Variants in CD99L2 observed in about 807,000 individuals in gnomAD.
CD99L2 encodes CD99 antigen-like protein 2.
In CD99L2, 24 loss-of-function variants were observed where a neutral mutation model predicts 27.3. The ratio of observed to expected loss-of-function variants is 0.88; its 90% CI spans 0.64 to 1.24. CD99L2 has a LOEUF of 1.24. Ranked by LOEUF, CD99L2 falls within the 50% of genes most tolerant of loss-of-function variation. CD99L2 has a pLI of 0.00. For missense variants in CD99L2, 255 were observed against 221.6 expected (o/e 1.15, Z -0.96); for synonymous variants, 97 against 87.9 (o/e 1.10, Z -0.58).
At chrX:150,782,767 G>C (rs2124064224) in intron 7 of CD99L2, among the ~76,000 whole-genome samples, 1 of 111,081 alleles carries the variant, frequency 9.0e-6, no homozygotes, top group South Asian at 3.8e-4. Flanking sequence ...CCATCACAAA[G>C]ACCCCACCTT....
At chrX:150,842,320 T>C (rs1369625280) in intron 1 of CD99L2, among the ~76,000 whole-genome samples, 12 of 111,753 alleles carry the variant, frequency 1.1e-4, no homozygotes, top group African/African-American at 3.9e-4. Context: ...TTTGTCCCTT[T>C]GGGAAGGAAC....
chrX:150,875,693 C>T lies in CD99L2; in HGVS notation c.67+22829G>A, dbSNP rs782747567. 3.6e-5 allele frequency among the ~76,000 whole-genome samples: 4 copies of T among 112,092 alleles called. No individual in the cohort carries two copies. The Admixed American group carries it at 3.8e-4, about 11-fold the overall frequency. On this transcript the variant is annotated intron_variant, in intron 1 of 10. Transcript: ENST00000370377. ...AATTCCCATGTGATGTGGGAGGGAC[C>T]TGGTGGGAGGTAACTGAATCATTGG...
At position 150,868,703 on chromosome X, in the gene CD99L2, G is replaced by A. The variant is rs147825870; in HGVS notation, c.67+29819C>T. 2.1e-4 allele frequency among the ~76,000 whole-genome samples: 23 copies of A among 111,806 alleles called. No homozygotes were observed. The East Asian group carries it at 6.4e-3, about 31-fold the overall frequency. ...CCTCGAATCCACTTTTTACTTCTAT[G>A]AGATTAACTTTATTTAGCTTCCATA... On this transcript the variant is annotated intron_variant, in intron 1 of 10. Transcript: ENST00000370377.
intron 2 of CD99L2, among the ~76,000 whole-genome samples, chrX:150,827,212 AGAG>A (rs1343135743): frequency 9.0e-6 from 1 of 111,456 alleles, no homozygotes; most frequent in Non-Finnish European, 1.9e-5. Context: ...CACAACGTGC[AGAG>A]AAGAACATTC....
At position 150,768,754 on chromosome X, in the gene CD99L2, G is replaced by A. The variant is rs974572294; in HGVS notation, c.*280C>T. On this transcript the variant is annotated 3_prime_UTR_variant, in exon 11 of 11. Coordinates refer to ENST00000370377, the MANE Select transcript of CD99L2 (RefSeq NM_031462.4). ...GCATCCTGTGCTCAGTAAAGCTGGAGGCAGGCTGGCTTTGGGAGTTGGTGG... is the reference window on the plus strand; with the variant it reads ...GCATCCTGTGCTCAGTAAAGCTGGAAGCAGGCTGGCTTTGGGAGTTGGTGG... The A allele has an allele frequency of 1.4e-5, 6 of 422,266 alleles. No homozygotes were observed. Among genetic ancestry groups the A allele is most frequent in the African/African-American group, 1.3e-4 (5 of 38,389 alleles). The allele number at this position is 422,266 out of a possible 1,213,427, so 34.8% of individuals were successfully genotyped here.
intron 9 of CD99L2, among the ~76,000 whole-genome samples, chrX:150,772,215 C>T (rs782499681): frequency 5.0e-4 from 56 of 112,864 alleles, no homozygotes; most frequent in Middle Eastern, 4.6e-3. Context: ...ATGATGTACA[C>T]GCAGCCCCGC....
intron 6 of CD99L2, among the ~76,000 whole-genome samples, chrX:150,794,143 C>T (rs180995429): frequency 1.4e-4 from 16 of 112,035 alleles, no homozygotes; most frequent in African/African-American, 4.5e-4. Flanking sequence ...TTCAGGCCTT[C>T]TCTGAGCTCA....
chrX:150,770,732 G>A (rs192968233), intron 9 of CD99L2, among the ~76,000 whole-genome samples: 10 of 113,039 alleles, frequency 8.8e-5, no homozygotes, highest in Admixed American at 4.6e-4. Context: ...GTGCGTGTGC[G>A]GCCCGGGGGC....
intron 1 of CD99L2, among the ~76,000 whole-genome samples, chrX:150,839,657 C>T (rs1557421318): frequency 9.0e-6 from 1 of 110,795 alleles, no homozygotes; most frequent in Non-Finnish European, 1.9e-5. Flanking sequence ...TGCTTGAGCC[C>T]AGGAGTTCAA....
At chrX:150,857,239 T>C (rs190193000) in intron 1 of CD99L2, among the ~76,000 whole-genome samples, 2 of 111,489 alleles carry the variant, frequency 1.8e-5, no homozygotes, top group East Asian at 2.8e-4. Flanking sequence ...GCAGGGAATA[T>C]AGACATCCAG....
intron 1 of CD99L2, among the ~76,000 whole-genome samples, chrX:150,849,418 G>A (rs1315657225): frequency 9.0e-6 from 1 of 111,234 alleles, no homozygotes; most frequent in Non-Finnish European, 1.9e-5. Flanking sequence ...AAATTAGCTG[G>A]GTATGGTAGT....
At chrX:150,890,101 C>A (rs1002727231) in intron 1 of CD99L2, among the ~76,000 whole-genome samples, 1 of 108,680 alleles carries the variant, frequency 9.2e-6, no homozygotes, top group Non-Finnish European at 1.9e-5. Context: ...TGCAGTGAGC[C>A]GAGATCGCAC....
intron 1 of CD99L2, among the ~76,000 whole-genome samples, chrX:150,897,562 G>A (rs1396937759): frequency 9.2e-6 from 1 of 108,132 alleles, no homozygotes; most frequent in Admixed American, 9.8e-5. Context: ...TGTGTTTCCT[G>A]AGCTCACATA....
intron 1 of CD99L2, among the ~76,000 whole-genome samples, chrX:150,897,322 C>G: frequency 8.9e-6 from 1 of 112,545 alleles, no homozygotes; most frequent in Non-Finnish European, 1.9e-5. Context: ...CAATTTTGTT[C>G]ACTACCGCAT....
rs781975495 is a variant in CD99L2 at position 150,824,361 on chromosome X, GGAA to G, written c.130+6867_130+6869del. On this transcript the variant is annotated intron_variant, in intron 2 of 10. Transcript: ENST00000370377. ...AGAAGAAAGAAGGAAGAAGGAAGAAGGAAGAAGAAGAAGAAGAAGAAAGAAGAA... is the reference window on the plus strand; with the variant it reads ...AGAAGAAAGAAGGAAGAAGGAAGAAGGAAGAAGAAGAAGAAGAAAGAAGAA... 5.9e-3 allele frequency among the ~76,000 whole-genome samples: 476 copies of G among 81,197 alleles called. 5 individuals are homozygous for G. The highest frequency in any genetic ancestry group is 8.5e-3 in the Middle Eastern group (1 of 117). 70.5% of individuals were successfully genotyped at this position (81,197 alleles called of 115,157 possible). A position where few individuals can be genotyped will look rare whatever the true frequency, so the allele number is the denominator to read the frequency against.
intron 4 of CD99L2, among the ~76,000 whole-genome samples, chrX:150,801,753 G>A (rs1007805941): frequency 8.9e-6 from 1 of 112,094 alleles, no homozygotes; most frequent in Non-Finnish European, 1.9e-5. Flanking sequence ...TTCCAGTCAG[G>A]CAAGTTGGAT....
At chrX:150,783,926 C>T (rs1386238411) in intron 7 of CD99L2, among the ~76,000 whole-genome samples, 1 of 111,877 alleles carries the variant, frequency 8.9e-6, no homozygotes, top group African/African-American at 3.3e-5. Flanking sequence ...ACATCCATTT[C>T]GTACCACCCA....
chrX:150,886,770 C>G (rs1286737821), intron 1 of CD99L2, among the ~76,000 whole-genome samples: 1 of 111,790 alleles, frequency 8.9e-6, no homozygotes, highest in Admixed American at 9.5e-5. Context: ...TAAACATCCT[C>G]CAACACACAG....
At chrX:150,795,127 G>C (rs2045772726) in intron 6 of CD99L2, 79 bp downstream of exon 6, 2 of 1,111,395 alleles carry the variant, frequency 1.8e-6, no homozygotes, top group African/African-American at 3.6e-5. Flanking sequence ...AGTGCCTCCA[G>C]CTCTGCCAGG....
Sources: allele counts gnomAD v4.1 joint callset (sites outside exome capture counted in the v4.1 genomes callset), GRCh38; gene constraint gnomAD v4.1.1; transcripts MANE v1.5; gene names NCBI Gene and HGNC (gene_info 2026-07-23, HGNC 2026-07-21).